USP6NL: variants seen among roughly 807,000 people sequenced by gnomAD.
The protein encoded by USP6NL is USP6 N-terminal like.
A neutral mutation model predicts 61.9 loss-of-function variants in USP6NL; 26 were observed. The observed-to-expected ratio is 0.42, with a 90% CI of 0.31 to 0.58. USP6NL has a LOEUF of 0.58. Ranked by LOEUF, USP6NL falls within the 20% of genes least tolerant of loss-of-function variation. The pLI, the probability that USP6NL is intolerant of heterozygous loss-of-function variation, is 0.16. For synonymous variants in USP6NL, 432 were observed against 390.1 expected (o/e 1.11, Z -1.27); for missense variants, 1,114 against 1,034.3 (o/e 1.08, Z -1.06).
chr10:11,533,375 A>G (rs1440162630), intron 2 of USP6NL, among the ~76,000 whole-genome samples: 1 of 152,258 alleles, frequency 6.6e-6, no homozygotes, highest in Non-Finnish European at 1.5e-5. Flanking sequence ...CCTGCCAGGG[A>G]TGTCCACATC....
At chr10:11,546,235 C>T (rs1303284193) in intron 2 of USP6NL, among the ~76,000 whole-genome samples, 2 of 152,050 alleles carry the variant, frequency 1.3e-5, no homozygotes, top group Non-Finnish European at 2.9e-5. Context: ...AGGACCATAC[C>T]AGCAGTGAGA....
Position 11,597,503 on chromosome 10 carries a change from G to A in USP6NL, c.4+128C>T, listed in dbSNP as rs932924334. On this transcript the variant is annotated intron_variant, in intron 2 of 14. Coordinates refer to ENST00000609104, the MANE Select transcript of USP6NL (RefSeq NM_014688.5). The surrounding 1 kb of genome is among the most constrained non-coding windows in gnomAD (Gnocchi z 4.6). The stretch of plus-strand genomic sequence containing the variant: ...CACAGACAAGCGCAGAGTGCTGGGT[G>A]GAACCACATTCAAACTCTGAATAAG... 1.2e-5 allele frequency: 11 copies of A among 956,372 alleles called. No homozygotes were observed. Among genetic ancestry groups the A allele is most frequent in the Non-Finnish European group, 1.3e-5 (8 of 607,800 alleles). 59.2% of individuals were successfully genotyped at this position (956,372 alleles called of 1,614,324 possible).
chr10:11,460,683 T>C lies in USP6NL; in HGVS notation c.*1758A>G, dbSNP rs2096211410. The C allele has an allele frequency of 6.7e-6, 1 of 149,548 alleles. No individual in the cohort carries two copies. Among genetic ancestry groups the C allele is most frequent in the South Asian group, 2.1e-4 (1 of 4,768 alleles). The allele number at this position is 149,548 out of a possible 1,614,324, so 9.3% of individuals were successfully genotyped here. On this transcript the variant is annotated 3_prime_UTR_variant, in exon 15 of 15. Coordinates refer to ENST00000609104, the MANE Select transcript of USP6NL (RefSeq NM_014688.5). ...AATCTACAGTATTTACCACTGTTGA[T>C]ATATATATTTTGGAGCAGCTCAGAT...
intron 10 of USP6NL, among the ~76,000 whole-genome samples, chr10:11,486,321 T>A (rs1433061070): frequency 6.6e-6 from 1 of 152,164 alleles, no homozygotes; most frequent in Non-Finnish European, 1.5e-5. Flanking sequence ...TATTACTTTT[T>A]TCAGGCTTAC....
rs1054038632 is a variant in USP6NL, at chr10:11,537,351, A to C, written c.5-9784T>G. ...GGTCTCGAACTCCTGGGCTGGGGCAATCCACCCACCTTGGCCTCCCAAAGT... is the reference window on the plus strand; with the variant it reads ...GGTCTCGAACTCCTGGGCTGGGGCACTCCACCCACCTTGGCCTCCCAAAGT... On this transcript the variant is annotated intron_variant, in intron 2 of 14. Transcript: ENST00000609104. The surrounding 1 kb of genome is among the most constrained non-coding windows in gnomAD (Gnocchi z 5.1). Among the ~76,000 whole-genome samples, 1 of 151,968 alleles carries C rather than the reference A, an allele frequency of 6.6e-6. No homozygotes were observed. The highest frequency in any genetic ancestry group is 2.4e-5 in the African/African-American group (1 of 41,402).
intron 2 of USP6NL, among the ~76,000 whole-genome samples, chr10:11,531,638 C>G (rs1835663304): frequency 6.7e-6 from 1 of 149,648 alleles, no homozygotes; most frequent in Non-Finnish European, 1.5e-5. Flanking sequence ...CTTTAAATAT[C>G]AGTCCTCTCA....
intron 2 of USP6NL, among the ~76,000 whole-genome samples, chr10:11,569,094 A>G (rs1448059385): frequency 6.6e-6 from 1 of 152,244 alleles, no homozygotes; most frequent in Admixed American, 6.5e-5. Context: ...TAAATAAAGA[A>G]CTACAAACCT....
chr10:11,583,751 G>A (rs569501620), intron 2 of USP6NL, among the ~76,000 whole-genome samples: 10 of 152,346 alleles, frequency 6.6e-5, no homozygotes, highest in African/African-American at 2.4e-4. Context: ...TTATTGGCCA[G>A]GCACAGTGAC....
At chr10:11,536,408 T>C (rs1835834299) in intron 2 of USP6NL, among the ~76,000 whole-genome samples, 1 of 152,208 alleles carries the variant, frequency 6.6e-6, no homozygotes, top group South Asian at 2.1e-4. Context: ...TGGGGAAAAC[T>C]GTTTAAGAGC....
In USP6NL at chr10:11,589,730, TAA is replaced by T. The variant is rs1189167961; in HGVS notation, c.4+7899_4+7900del. Among the ~76,000 whole-genome samples the T allele has an allele frequency of 6.6e-6, 1 of 152,236 alleles. No individual in the cohort carries two copies. Among genetic ancestry groups the T allele is most frequent in the Non-Finnish European group, 1.5e-5 (1 of 68,034 alleles). Reference sequence around the variant, plus strand: ...CATCTAAAACAGGCAACTGTATTTTTAAAAAGACATTGTGACGCCAAATGCCC... The same window carrying T: ...CATCTAAAACAGGCAACTGTATTTTTAAAGACATTGTGACGCCAAATGCCC... On this transcript the variant is annotated intron_variant, in intron 2 of 14. Transcript: ENST00000609104. This position sits in a 1 kb window ranked among gnomAD's most constrained non-coding sequence, Gnocchi z 4.7.
At chr10:11,535,839 C>T (rs561913926) in intron 2 of USP6NL, among the ~76,000 whole-genome samples, 1 of 152,160 alleles carries the variant, frequency 6.6e-6, no homozygotes, top group South Asian at 2.1e-4. Flanking sequence ...TCTTAGTAAA[C>T]GTATTTGTGA....
rs954238231 is a variant in USP6NL at position 11,520,202 on chromosome 10, C to T, written c.156-1628G>A. On this transcript the variant is annotated intron_variant, in intron 4 of 14. Coordinates refer to ENST00000609104, the MANE Select transcript of USP6NL (RefSeq NM_014688.5). This position sits in a 1 kb window ranked among gnomAD's most constrained non-coding sequence, Gnocchi z 5.2. ...TGCAGGAGTATATGAAGAAAAGGGA[C>T]GGAGGCTGAGAAAACGATTCTCAAG... Among the ~76,000 whole-genome samples, 1 of 152,084 alleles carries T rather than the reference C, an allele frequency of 6.6e-6. No homozygotes were observed. The highest frequency in any genetic ancestry group is 2.4e-5 in the African/African-American group (1 of 41,396).
In USP6NL at chr10:11,528,004, T is replaced by C. The variant is rs991762248; in HGVS notation, c.5-437A>G. ...AAGATACAATATTTATTTTACATGA[T>C]ACAAATATGTCTTTGTTTAGCCTTT... On this transcript the variant is annotated intron_variant, in intron 2 of 14. Transcript: ENST00000609104. This position sits in a 1 kb window ranked among gnomAD's most constrained non-coding sequence, Gnocchi z 4.6. Among the ~76,000 whole-genome samples, 6 of 152,170 alleles carry C rather than the reference T, an allele frequency of 3.9e-5. No homozygotes were observed. Among genetic ancestry groups the C allele is most frequent in the African/African-American group, 1.4e-4 (6 of 41,440 alleles).
At position 11,485,142 on chromosome 10, in the gene USP6NL, G is replaced by T; in HGVS notation, c.825+27C>A. 1.3e-6 allele frequency: 2 copies of T among 1,536,722 alleles called. No homozygotes were observed. The highest frequency in any genetic ancestry group is 1.3e-5 in the South Asian group (1 of 79,796). The stretch of plus-strand genomic sequence containing the variant: ...CCTCACCTTGTATTTATAATTTTAT[G>T]ACTGAGTTTTGTAAATAAATACTTA... On this transcript the variant is annotated intron_variant, in intron 12 of 14. Transcript: ENST00000609104. The surrounding 1 kb of genome is among the most constrained non-coding windows in gnomAD (Gnocchi z 4.8).
chr10:11,585,637 T>C lies in USP6NL; in HGVS notation c.4+11994A>G, dbSNP rs1164242052. On this transcript the variant is annotated intron_variant, in intron 2 of 14. Coordinates refer to ENST00000609104, the MANE Select transcript of USP6NL (RefSeq NM_014688.5). The surrounding 1 kb of genome is among the most constrained non-coding windows in gnomAD (Gnocchi z 4.5). ...TGATCAAGGACACTGCACTCCAGCCTGGGAAACAGAGTGAGACTCCATCTC... is the reference window on the plus strand; with the variant it reads ...TGATCAAGGACACTGCACTCCAGCCCGGGAAACAGAGTGAGACTCCATCTC... 6.6e-6 allele frequency among the ~76,000 whole-genome samples: 1 copy of C among 152,048 alleles called. No individual in the cohort carries two copies. Among genetic ancestry groups the C allele is most frequent in the Non-Finnish European group, 1.5e-5 (1 of 68,024 alleles).
chr10:11,610,578 C>T (rs1033351318), intron 1 of USP6NL, among the ~76,000 whole-genome samples: 2 of 151,234 alleles, frequency 1.3e-5, no homozygotes, highest in Non-Finnish European at 2.9e-5. Context: ...GGATTGAAAC[C>T]ATTTTCTTTC....
rs1343120290 is a variant in USP6NL at position 11,591,300 on chromosome 10, G to A, written c.4+6331C>T. Among the ~76,000 whole-genome samples the A allele has an allele frequency of 6.6e-6, 1 of 151,974 alleles. No individual in the cohort carries two copies. The highest frequency in any genetic ancestry group is 2.4e-5 in the African/African-American group (1 of 41,390). ...CATTTGGAGCACACTGGTTTGTGTT[G>A]TACTAAAAAAATTTCATTAAAGTTG... On this transcript the variant is annotated intron_variant, in intron 2 of 14. Coordinates refer to ENST00000609104, the MANE Select transcript of USP6NL (RefSeq NM_014688.5). The surrounding 1 kb of genome is among the most constrained non-coding windows in gnomAD (Gnocchi z 4.7).
At chr10:11,493,271 T>C (rs1299624019) in intron 7 of USP6NL, 43 bp from the exon 8 acceptor site, 4 of 1,511,420 alleles carry the variant, frequency 2.6e-6, no homozygotes, top group Non-Finnish European at 3.6e-6. Flanking sequence ...TTATGGAAAT[T>C]AGTTGTTGAA....
chr10:11,563,726 G>C (rs1733866708), intron 2 of USP6NL: 1 of 152,076 alleles, frequency 6.6e-6, no homozygotes, highest in African/African-American at 2.4e-5. Context: ...TCTAGGTAAA[G>C]TTTTTCCTTC....
Sources: gnomAD v4.1 joint callset for allele counts (sites outside exome capture counted in the v4.1 genomes callset) on GRCh38, gnomAD v4.1.1 for gene constraint, Gnocchi (gnomAD v3.1) non-coding constraint, MANE v1.5 for transcripts, NCBI Gene and HGNC (gene_info 2026-07-23, HGNC 2026-07-21) for gene names.